RIMS1: variants seen among roughly 807,000 people sequenced by gnomAD.
RIMS1 encodes the protein regulating synaptic membrane exocytosis 1.
Under a neutral mutation model 214.1 loss-of-function variants are expected in RIMS1, and 83 were observed. The ratio of observed to expected loss-of-function variants is 0.39; its 90% CI spans 0.32 to 0.47. The LOEUF is 0.47. Among genes scored for constraint, RIMS1 ranks in the 20% least tolerant of loss-of-function variants. The pLI is 0.99. For synonymous variants in RIMS1, 793 were observed against 786.8 expected, an observed-to-expected ratio of 1.01 and a Z score of -0.13; for missense variants, 2,050 against 2,161.8, an observed-to-expected ratio of 0.95 and a Z score of 1.03.
chr6:72,110,966 A>T (rs1401307945), intron 4 of RIMS1, among the ~76,000 whole-genome samples: 4 of 152,334 alleles, frequency 2.6e-5, no homozygotes, highest in Non-Finnish European at 5.9e-5. Flanking sequence ...GGTAATAGGG[A>T]GTGTCTAAAA....
chr6:72,137,806 G>A lies in RIMS1; in HGVS notation c.471+37820G>A, dbSNP rs1269643477. Among the ~76,000 whole-genome samples, 24 of 146,062 alleles carry A rather than the reference G, an allele frequency of 1.6e-4. 1 individual carries two copies. The highest frequency in any genetic ancestry group is 1.6e-3 in the Admixed American group (22 of 14,090). The stretch of plus-strand genomic sequence containing the variant: ...GGCTGGAGTGCAGTGGCACGATCTC[G>A]GCTCACTGCAAGCTCCGCCTCCCGG... On this transcript the variant is annotated intron_variant, in intron 4 of 33. Coordinates refer to ENST00000521978, the MANE Select transcript of RIMS1 (RefSeq NM_014989.7).
At chr6:72,139,050 A>G (rs952490368) in intron 4 of RIMS1, among the ~76,000 whole-genome samples, 2 of 152,236 alleles carry the variant, frequency 1.3e-5, no homozygotes, top group East Asian at 3.8e-4. Flanking sequence ...AACTGTTTAT[A>G]TGTATATATA....
intron 29 of RIMS1, among the ~76,000 whole-genome samples, chr6:72,389,018 A>G (rs1055407458): frequency 3.3e-5 from 5 of 152,216 alleles, no homozygotes; most frequent in African/African-American, 1.2e-4. Context: ...TTTGTTAGCT[A>G]TGTTAAAGCT....
intron 6 of RIMS1, among the ~76,000 whole-genome samples, chr6:72,225,693 T>C (rs1311640531): frequency 6.6e-6 from 1 of 152,176 alleles, no homozygotes; most frequent in Non-Finnish European, 1.5e-5. Flanking sequence ...GACAACCTGT[T>C]CTCCCACGTG....
intron 17 of RIMS1, 58 bp from the exon 18 acceptor site, chr6:72,258,928 C>G: frequency 6.5e-7 from 1 of 1,537,960 alleles, no homozygotes; most frequent in Middle Eastern, 1.7e-4. Flanking sequence ...TTTAGTCTGT[C>G]TGCCTGTTTT....
chr6:72,145,797 C>CA, intron 4 of RIMS1, among the ~76,000 whole-genome samples: 1 of 152,042 alleles, frequency 6.6e-6, no homozygotes. Context: ...AACAAACAAA[C>CA]AACAACAAAC....
rs1592162036 is a variant in RIMS1 at position 72,290,582 on chromosome 6, A to G, written c.3555-97A>G. 3 of 986,776 alleles carry G rather than the reference A, an allele frequency of 3.0e-6. No homozygotes were observed. In the East Asian group the frequency reaches 7.8e-5, roughly 26 times the overall value. 61.1% of individuals were successfully genotyped at this position (986,776 alleles called of 1,614,324 possible). On this transcript the variant is annotated intron_variant, in intron 24 of 33. Transcript: ENST00000521978. Reference sequence around the variant, plus strand: ...GGTTCTCTTCTTTGAAATTACTGTCATGTACGAGTAACCAGGTTTTCCTTG... The same window carrying G: ...GGTTCTCTTCTTTGAAATTACTGTCGTGTACGAGTAACCAGGTTTTCCTTG...
chr6:71,905,662 A>G (rs2150518261), intron 1 of RIMS1, among the ~76,000 whole-genome samples: 1 of 152,228 alleles, frequency 6.6e-6, no homozygotes, highest in African/African-American at 2.4e-5. Context: ...AGACAGAAAA[A>G]AACTGGGATG....
intron 24 of RIMS1, among the ~76,000 whole-genome samples, chr6:72,287,134 C>A (rs566198351): frequency 6.6e-6 from 1 of 152,276 alleles, no homozygotes; most frequent in East Asian, 1.9e-4. Context: ...GTAGAAACTA[C>A]ACTCTACATT....
intron 4 of RIMS1, among the ~76,000 whole-genome samples, chr6:72,134,710 AT>A (rs2153863169): frequency 6.6e-6 from 1 of 152,220 alleles, no homozygotes; most frequent in South Asian, 2.1e-4. Context: ...AGGCTAGTCT[AT>A]TTTTCATTTG....
intron 8 of RIMS1, among the ~76,000 whole-genome samples, chr6:72,236,185 G>T (rs969290354): frequency 6.6e-6 from 1 of 152,082 alleles, no homozygotes; most frequent in Non-Finnish European, 1.5e-5. Flanking sequence ...AACTTTTGGT[G>T]ATATTCTCTT....
chr6:72,201,908 T>C (rs865956827), intron 6 of RIMS1, among the ~76,000 whole-genome samples: 31 of 152,202 alleles, frequency 2.0e-4, no homozygotes, highest in African/African-American at 6.8e-4. Context: ...AGGAGTTAGA[T>C]AGAAGCTGGA....
chr6:72,234,017 T>A (rs1007871319), intron 7 of RIMS1, among the ~76,000 whole-genome samples, 177 bp downstream of exon 7: 2 of 152,006 alleles, frequency 1.3e-5, no homozygotes, highest in African/African-American at 4.8e-5. Context: ...ATAACAAATT[T>A]TAAATTAAGT....
chr6:72,313,419 G>A (rs1024566828), intron 27 of RIMS1, 87 bp from the exon 28 acceptor site: 6 of 1,164,850 alleles, frequency 5.2e-6, no homozygotes, highest in African/African-American at 3.1e-5. Flanking sequence ...TTTATTTGGT[G>A]TGGGCTAAGT....
intron 2 of RIMS1, among the ~76,000 whole-genome samples, chr6:72,005,531 A>G (rs1807163025): frequency 6.6e-6 from 1 of 152,200 alleles, no homozygotes; most frequent in African/African-American, 2.4e-5. Flanking sequence ...ATTTTAGCTT[A>G]AAAATTATTT....
At chr6:72,082,139 T>A (rs1398510653) in intron 2 of RIMS1, among the ~76,000 whole-genome samples, 2 of 152,222 alleles carry the variant, frequency 1.3e-5, no homozygotes, top group Admixed American at 6.5e-5. Flanking sequence ...CAACTTAAGC[T>A]TTACAAATAG....
At chr6:72,332,342 G>A (rs1301767488) in intron 28 of RIMS1, among the ~76,000 whole-genome samples, 3 of 151,672 alleles carry the variant, frequency 2.0e-5, no homozygotes, top group African/African-American at 4.8e-5. Context: ...AGACAGAAAT[G>A]TACTGGTCTA....
chr6:72,264,395 A>AT (rs1244067276), intron 19 of RIMS1, among the ~76,000 whole-genome samples: 1 of 152,020 alleles, frequency 6.6e-6, no homozygotes, highest in Non-Finnish European at 1.5e-5. Context: ...CCAAAGGAAA[A>AT]TTTCCTGTGG....
At chr6:71,939,183 C>G (rs896054149) in intron 1 of RIMS1, among the ~76,000 whole-genome samples, 1 of 152,328 alleles carries the variant, frequency 6.6e-6, no homozygotes, top group East Asian at 1.9e-4. Flanking sequence ...TTTCCAATAT[C>G]TTGTTCCTTA....
Sources: gnomAD v4.1 joint callset for allele counts (sites outside exome capture counted in the v4.1 genomes callset) on GRCh38, gnomAD v4.1.1 for gene constraint, MANE v1.5 for transcripts, NCBI Gene and HGNC (gene_info 2026-07-23, HGNC 2026-07-21) for gene names.